The following PARD3B variants were observed in gnomAD, a reference collection of about 807,000 sequenced individuals.
PARD3B encodes par-3 family cell polarity regulator beta, also known as partitioning defective 3 homolog B.
A neutral mutation model predicts 130.2 loss-of-function variants in PARD3B; 103 were observed. The observed-to-expected ratio is 0.79, with a 90% CI of 0.67 to 0.93. The LOEUF (loss-of-function observed/expected upper bound fraction) is 0.93. Among genes scored for constraint, PARD3B ranks in the 40% least tolerant of loss-of-function variants. PARD3B has a pLI of 0.00. For synonymous variants in PARD3B, 583 were observed against 553.2 expected (o/e 1.05, Z -0.76); for missense variants, 1,609 against 1,499.2 (o/e 1.07, Z -1.21).
chr2:204,990,210 G>A (rs553600328), intron 3 of PARD3B, among the ~76,000 whole-genome samples: 1 of 151,430 alleles, frequency 6.6e-6, no homozygotes, highest in African/African-American at 2.4e-5. Context: ...TTCCTGGTAA[G>A]ATTTTTGACA....
chr2:205,044,208 T>G (rs1365192898), intron 3 of PARD3B, among the ~76,000 whole-genome samples: 1 of 151,280 alleles, frequency 6.6e-6, no homozygotes, highest in East Asian at 1.9e-4. Context: ...TCTATCATTG[T>G]TGGACATTTG....
At chr2:205,224,850 T>C (rs2038457638) in intron 15 of PARD3B, among the ~76,000 whole-genome samples, 2 of 152,184 alleles carry the variant, frequency 1.3e-5, no homozygotes, top group Non-Finnish European at 2.9e-5. Flanking sequence ...ATAATTATTT[T>C]TGCCAACCTG....
chr2:204,553,665 T>C (rs1482108201), intron 1 of PARD3B, among the ~76,000 whole-genome samples: 18 of 18,972 alleles, frequency 9.5e-4, no homozygotes, highest in African/African-American at 1.1e-3. Flanking sequence ...TATATATATA[T>C]ATATATATAT....
At chr2:204,789,206 A>G (rs1054137834) in intron 2 of PARD3B, among the ~76,000 whole-genome samples, 1 of 152,042 alleles carries the variant, frequency 6.6e-6, no homozygotes, top group African/African-American at 2.4e-5. Context: ...ATAGGTGTGC[A>G]CCACCATGAC....
intron 1 of PARD3B, among the ~76,000 whole-genome samples, chr2:204,563,319 C>T (rs1419387859): frequency 2.8e-5 from 4 of 145,046 alleles, no homozygotes; most frequent in Non-Finnish European, 4.5e-5. Flanking sequence ...AGGGTCCACC[C>T]TAATGACCTC....
chr2:205,153,231 G>T (rs1212508887), intron 10 of PARD3B, among the ~76,000 whole-genome samples: 1 of 152,128 alleles, frequency 6.6e-6, no homozygotes, highest in Non-Finnish European at 1.5e-5. Context: ...GCTACTTGGG[G>T]GTCAGGGACC....
At chr2:204,895,817 G>A (rs148945646) in intron 2 of PARD3B, among the ~76,000 whole-genome samples, 145 of 152,260 alleles carry the variant, frequency 9.5e-4, no homozygotes, top group African/African-American at 3.4e-3. Context: ...AAAGCAAGCA[G>A]TTGGAAAGGA....
chr2:205,072,934 G>C (rs1179073979), intron 4 of PARD3B, among the ~76,000 whole-genome samples: 1 of 152,056 alleles, frequency 6.6e-6, no homozygotes, highest in African/African-American at 2.4e-5. Context: ...TCTTCAATTT[G>C]CTCAGTATAT....
intron 2 of PARD3B, among the ~76,000 whole-genome samples, chr2:204,915,324 A>C (rs949319238): frequency 4.6e-5 from 7 of 152,190 alleles, no homozygotes; most frequent in Non-Finnish European, 7.3e-5. Context: ...ATTTTAGAAA[A>C]GTCCCCTCCC....
intron 4 of PARD3B, among the ~76,000 whole-genome samples, chr2:205,081,689 A>T (rs552285528): frequency 6.6e-6 from 1 of 152,118 alleles, no homozygotes; most frequent in Admixed American, 6.5e-5. Flanking sequence ...ACATTAGTGA[A>T]TTTTTGAATG....
intron 15 of PARD3B, among the ~76,000 whole-genome samples, chr2:205,214,653 GA>G (rs2037821036): frequency 6.6e-6 from 1 of 151,988 alleles, no homozygotes; most frequent in Non-Finnish European, 1.5e-5. Context: ...TTTAATCAAA[GA>G]GCTTAATAAT....
At chr2:205,425,197 G>A (rs2047102826) in intron 19 of PARD3B, among the ~76,000 whole-genome samples, 1 of 152,146 alleles carries the variant, frequency 6.6e-6, no homozygotes. Context: ...TAAGCACTCT[G>A]TAGGTTGTTC....
chr2:204,759,836 T>C (rs1018157187), intron 2 of PARD3B, among the ~76,000 whole-genome samples: 1 of 152,106 alleles, frequency 6.6e-6, no homozygotes, highest in Non-Finnish European at 1.5e-5. Context: ...AAATTTTATT[T>C]TTTGCTTTAG....
At chr2:204,840,315 CT>C (rs1486888699) in intron 2 of PARD3B, among the ~76,000 whole-genome samples, 1 of 152,022 alleles carries the variant, frequency 6.6e-6, no homozygotes, top group Non-Finnish European at 1.5e-5. Flanking sequence ...TTTAGGAAAA[CT>C]TTTACCTAAT....
rs957568557 is a variant in PARD3B, at chr2:205,336,451, C to T, written c.2630+34750C>T. 1.2e-4 allele frequency among the ~76,000 whole-genome samples: 18 copies of T among 152,198 alleles called. No homozygotes were observed. In the South Asian group the frequency reaches 1.2e-3, roughly 10 times the overall value. On this transcript the variant is annotated intron_variant, in intron 18 of 22. Coordinates refer to ENST00000406610, the MANE Select transcript of PARD3B (RefSeq NM_001302769.2). ...TATGCGACTTGGCTTGAATTTCTTC[C>T]TCTTTCCTTCTCTTCATTTCTTCAC...
At chr2:204,549,919 T>C (rs1024337077) in intron 1 of PARD3B, among the ~76,000 whole-genome samples, 4 of 97,296 alleles carry the variant, frequency 4.1e-5, no homozygotes, top group Non-Finnish European at 8.2e-5. Flanking sequence ...TTCTGGCCTT[T>C]TCTCATTAAA....
chr2:205,567,668 A>C (rs182728320), intron 22 of PARD3B, among the ~76,000 whole-genome samples: 4 of 151,934 alleles, frequency 2.6e-5, no homozygotes, highest in Admixed American at 6.6e-5. Context: ...AATAGTGGAC[A>C]TTCTCATAAT....
At chr2:204,847,170 C>CTT (rs528059401) in intron 2 of PARD3B, among the ~76,000 whole-genome samples, 5 of 135,670 alleles carry the variant, frequency 3.7e-5, no homozygotes, top group Admixed American at 7.3e-5. Flanking sequence ...AACTTTCTTT[C>CTT]TTTTTTTTTT....
At chr2:205,379,636 T>C (rs2045231470) in intron 18 of PARD3B, among the ~76,000 whole-genome samples, 1 of 152,124 alleles carries the variant, frequency 6.6e-6, no homozygotes, top group Non-Finnish European at 1.5e-5. Flanking sequence ...ATTAGCAAAA[T>C]TGGCTAATTC....
Sources: gnomAD v4.1 joint callset for allele counts (sites outside exome capture counted in the v4.1 genomes callset) on GRCh38, gnomAD v4.1.1 for gene constraint, MANE v1.5 for transcripts, NCBI Gene and HGNC (gene_info 2026-07-23, HGNC 2026-07-21) for gene names.